Variants in PIGH observed in about 807,000 individuals in gnomAD.
PIGH encodes the protein phosphatidylinositol N-acetylglucosaminyltransferase subunit H.
PIGH carries 11 observed loss-of-function variants against 20.1 expected under a neutral mutation model. That is an observed-to-expected ratio of 0.55 (90% confidence interval 0.34 to 0.91). The LOEUF is 0.91. PIGH is among the 40% of genes least tolerant of loss of function. The pLI, the probability that PIGH is intolerant of heterozygous loss-of-function variation, is 0.02. For synonymous variants in PIGH, 72 were observed against 93.1 expected (o/e 0.77, Z 1.31); for missense variants, 189 against 233.6 (o/e 0.81, Z 1.24).
chr14:67,600,225 GCA>G lies in PIGH; in HGVS notation c.-24_-23del. On this transcript the variant is annotated 5_prime_UTR_variant, in exon 1 of 4. Coordinates refer to ENST00000216452, the MANE Select transcript of PIGH (RefSeq NM_004569.5). ...CCATGACGCCCCCACTCGGCCGCCC[GCA>G]CCGCGCGGCGCTGCACTGCGCTCGC... 6.5e-7 allele frequency: 1 copy of G among 1,543,626 alleles called. No homozygotes were observed. Among genetic ancestry groups the G allele is most frequent in the Non-Finnish European group, 8.7e-7 (1 of 1,146,048 alleles).
At chr14:67,597,501 CA>C (rs34780138) in intron 1 of PIGH, among the ~76,000 whole-genome samples, 227 of 139,664 alleles carry the variant, frequency 1.6e-3, no homozygotes, top group Admixed American at 1.8e-3. Flanking sequence ...AAACCTGTCT[CA>C]AAAAAAAAAA....
chr14:67,591,450 GGTCA>G (rs2036366754), intron 3 of PIGH, among the ~76,000 whole-genome samples: 1 of 152,106 alleles, frequency 6.6e-6, no homozygotes, highest in African/African-American at 2.4e-5. Context: ...TTGTGAAAAA[GGTCA>G]GTGAGGCAGG....
Position 67,589,669 on chromosome 14 carries a change from T to A in PIGH, c.*411A>T. 7 of 990,770 alleles carry A rather than the reference T, an allele frequency of 7.1e-6. No individual in the cohort carries two copies. Among genetic ancestry groups the A allele is most frequent in the Non-Finnish European group, 8.4e-6 (7 of 833,090 alleles). 61.4% of individuals were successfully genotyped at this position (990,770 alleles called of 1,614,324 possible). A position where few individuals can be genotyped will look rare whatever the true frequency, so the allele number is the denominator to read the frequency against. On this transcript the variant is annotated 3_prime_UTR_variant, in exon 4 of 4. Coordinates refer to ENST00000216452, the MANE Select transcript of PIGH (RefSeq NM_004569.5). ...TAACCAGTACTGAAGGGCTTGTTTTTTTCGTAACTTTACACAAGGGGTACT... is the reference window on the plus strand; with the variant it reads ...TAACCAGTACTGAAGGGCTTGTTTTATTCGTAACTTTACACAAGGGGTACT...
chr14:67,598,488 T>C (rs892434260), intron 1 of PIGH, among the ~76,000 whole-genome samples: 1 of 151,656 alleles, frequency 6.6e-6, no homozygotes, highest in Non-Finnish European at 1.5e-5. Context: ...TCATTGCTCT[T>C]TGTGAGCCTT....
chr14:67,599,543 C>G (rs770416993), intron 1 of PIGH, among the ~76,000 whole-genome samples: 1 of 152,168 alleles, frequency 6.6e-6, no homozygotes, highest in Non-Finnish European at 1.5e-5. Context: ...CTATAACACT[C>G]TATCTATACA....
chr14:67,595,871 G>A (rs1407167576), intron 1 of PIGH, among the ~76,000 whole-genome samples: 3 of 152,272 alleles, frequency 2.0e-5, no homozygotes, highest in East Asian at 3.9e-4. Flanking sequence ...GAGTCTCCAC[G>A]TGAACTCTGG....
At chr14:67,596,954 A>G (rs867611413) in intron 1 of PIGH, among the ~76,000 whole-genome samples, 19 of 152,262 alleles carry the variant, frequency 1.2e-4, no homozygotes, top group African/African-American at 2.9e-4. Context: ...TACCACTTCA[A>G]CTACTCACTA....
intron 2 of PIGH, among the ~76,000 whole-genome samples, chr14:67,592,990 T>A (rs1347509006): frequency 6.6e-6 from 1 of 152,142 alleles, no homozygotes; most frequent in South Asian, 2.1e-4. Flanking sequence ...TTTCACCATG[T>A]TGGTCAGGCT....
chr14:67,593,811 T>C lies in PIGH; in HGVS notation c.322A>G (p.Lys108Glu). ...ATTTCTATGAAGGTAGTGCTTTCTT[T>C]GCCTGAAGCATAAGATGAAGTCATC... ...IQMTSSYASGKESTTFIEMGK... is the reference protein window; with the variant it reads ...IQMTSSYASGEESTTFIEMGK... Residue 108 changes from lysine to glutamate, a missense_variant, in exon 2 of 4, where the codon AAA becomes GAA. By Grantham distance (56) the Lys-to-Glu change is moderately conservative. Coordinates refer to ENST00000216452, the MANE Select transcript of PIGH (RefSeq NM_004569.5). 1.2e-6 allele frequency: 2 copies of C among 1,613,798 alleles called. No homozygotes were observed. The highest frequency in any genetic ancestry group is 1.7e-6 in the Non-Finnish European group (2 of 1,179,674).
At chr14:67,596,781 G>A (rs1021804447) in intron 1 of PIGH, among the ~76,000 whole-genome samples, 12 of 152,126 alleles carry the variant, frequency 7.9e-5, no homozygotes, top group Non-Finnish European at 1.8e-4. Context: ...CCTTGCCCCT[G>A]ATGTTTCCTT....
intron 1 of PIGH, 66 bp from the exon 2 acceptor site, chr14:67,594,018 G>A: frequency 9.6e-7 from 1 of 1,038,576 alleles, no homozygotes; most frequent in Non-Finnish European, 1.5e-6. Flanking sequence ...CAGGCAATGA[G>A]GGGAACATGC....
At chr14:67,597,375 G>A (rs1259734065) in intron 1 of PIGH, among the ~76,000 whole-genome samples, 1 of 152,126 alleles carries the variant, frequency 6.6e-6, no homozygotes, top group African/African-American at 2.4e-5. Context: ...CTACTCAGGT[G>A]GCTGAGATAA....
At chr14:67,595,175 C>T (rs1184943695) in intron 1 of PIGH, among the ~76,000 whole-genome samples, 1 of 152,138 alleles carries the variant, frequency 6.6e-6, no homozygotes, top group African/African-American at 2.4e-5. Context: ...AGAACACTTA[C>T]ATTAGCCTAC....
chr14:67,597,773 G>A (rs10150885), intron 1 of PIGH, among the ~76,000 whole-genome samples: 1 of 150,694 alleles, frequency 6.6e-6, no homozygotes, highest in African/African-American at 2.4e-5. Context: ...AAAAAAAAAA[G>A]ACATTAAAGC....
chr14:67,592,681 T>C lies in PIGH; in HGVS notation c.428A>G (p.Asp143Gly), dbSNP rs1379638182. The change falls in exon 3 of 4, where the codon GAT becomes GGT. Residue 143 changes from aspartate to glycine, a missense_variant. Physicochemically the swap from Asp to Gly is moderately conservative, Grantham distance 94. Transcript: ENST00000216452. ...GGATATCCCATGTGGTTCCACTGGA[T>C]CTTTCAATAAGATGCAGAGGTAGTA... The part of the protein sequence containing the change: ...VIYYLCILLK[D>G]PVEPHGISQV... The C allele has an allele frequency of 1.2e-6, 2 of 1,608,818 alleles. No individual in the cohort carries two copies. Among genetic ancestry groups the C allele is most frequent in the African/African-American group, 2.7e-5 (2 of 74,822 alleles).
intron 3 of PIGH, chr14:67,592,261 C>A (rs2140611249): frequency 2.6e-6 from 1 of 390,738 alleles, no homozygotes; most frequent in Admixed American, 3.1e-5. Flanking sequence ...ATGGCAAGAC[C>A]TCATCTCTAC....
At chr14:67,594,016 G>T in intron 1 of PIGH, 64 bp from the exon 2 acceptor site, 2 of 1,066,348 alleles carry the variant, frequency 1.9e-6, no homozygotes, top group African/African-American at 1.6e-5. Flanking sequence ...TCCAGGCAAT[G>T]AGGGGAACAT....
At chr14:67,590,452 G>A (rs891247393) in intron 3 of PIGH, among the ~76,000 whole-genome samples, 1 of 151,922 alleles carries the variant, frequency 6.6e-6, no homozygotes, top group African/African-American at 2.4e-5. Context: ...TCTGCATCCC[G>A]GGTTCAAATG....
rs149186653 is a variant in PIGH at position 67,590,140 on chromosome 14, T to C, written c.507A>G (p.Glu169=). ...GGATCTCCTGGCAGCTCCTGTATAC[T>C]TCAATCAAGCAGTCCAGCCGGGGCT... ...SAKPRLDCLI[E]VYRSCQEILA... The change falls in exon 4 of 4, where the codon GAA becomes GAG. Residue 169 remains glutamate (E), a synonymous_variant. Transcript: ENST00000216452. 5 of 1,551,114 alleles carry C rather than the reference T, an allele frequency of 3.2e-6. No individual in the cohort carries two copies. Among genetic ancestry groups the C allele is most frequent in the Non-Finnish European group, 4.4e-6 (5 of 1,146,836 alleles).
Sources: allele counts gnomAD v4.1 joint callset (sites outside exome capture counted in the v4.1 genomes callset), GRCh38; gene constraint gnomAD v4.1.1; transcripts MANE v1.5; gene names NCBI Gene and HGNC (gene_info 2026-07-23, HGNC 2026-07-21).